PATJ: variants seen among roughly 807,000 people sequenced by gnomAD.
PATJ encodes PATJ crumbs cell polarity complex component, also known as inaD-like protein.
Under a neutral mutation model 224.9 loss-of-function variants are expected in PATJ, and 190 were observed. The ratio of observed to expected loss-of-function variants is 0.84; its 90% CI spans 0.75 to 0.95. The LOEUF (loss-of-function observed/expected upper bound fraction) is 0.95. Among genes scored for constraint, PATJ ranks in the 40% least tolerant of loss-of-function variants. The probability of loss-of-function intolerance (pLI) is 0.00; values close to 1 mark genes in which losing one functional copy is unlikely to be tolerated. For synonymous variants in PATJ, 769 were observed against 820.3 expected (o/e 0.94, Z 1.07); for missense variants, 2,121 against 2,270.3 (o/e 0.93, Z 1.34).
At chr1:62,069,155 T>G (rs991017146) in intron 31 of PATJ, among the ~76,000 whole-genome samples, 19 of 152,162 alleles carry the variant, frequency 1.2e-4, no homozygotes, top group Non-Finnish European at 1.5e-5. Flanking sequence ...ACGGAATCAC[T>G]ATGTCATTGC....
At chr1:61,873,940 G>A (rs1226293559) in intron 20 of PATJ, among the ~76,000 whole-genome samples, 1 of 152,120 alleles carries the variant, frequency 6.6e-6, no homozygotes, top group Admixed American at 6.5e-5. Flanking sequence ...ATCTGCTTGC[G>A]GGACCCCCTC....
Position 61,893,608 on chromosome 1 carries a change from C to A in PATJ, c.3132-5975C>A, listed in dbSNP as rs111412535. Among the ~76,000 whole-genome samples, 1,265 of 150,220 alleles carry A rather than the reference C, an allele frequency of 8.4e-3. 22 individuals carry two copies. Among genetic ancestry groups the A allele is most frequent in the African/African-American group, 0.029 (1,197 of 40,910 alleles). ...TTGAGTCCAGGTGTTTGAAAGCAGT[C>A]TGGGCAACATAATGAGACCCCGTAT... On this transcript the variant is annotated intron_variant, in intron 22 of 43. Transcript: ENST00000642238.
chr1:61,991,658 CT>C, intron 28 of PATJ: 1 of 985,292 alleles, frequency 1.0e-6, no homozygotes, highest in Non-Finnish European at 1.2e-6. Flanking sequence ...TCCAGGATTA[CT>C]TTTCTTTTCT....
intron 27 of PATJ, among the ~76,000 whole-genome samples, chr1:61,975,140 G>A (rs150937494): frequency 2.0e-5 from 3 of 151,836 alleles, no homozygotes; most frequent in African/African-American, 2.4e-5. Flanking sequence ...AAAGATGGGG[G>A]TCTCACTATG....
intron 26 of PATJ, among the ~76,000 whole-genome samples, chr1:61,918,374 A>G (rs1022158225): frequency 1.4e-5 from 2 of 142,980 alleles, no homozygotes; most frequent in Non-Finnish European, 1.5e-5. Context: ...GTGGCATGGC[A>G]TCAGCTCACT....
At chr1:62,091,108 A>G (rs1660676380) in intron 33 of PATJ, among the ~76,000 whole-genome samples, 1 of 152,094 alleles carries the variant, frequency 6.6e-6, no homozygotes, top group African/African-American at 2.4e-5. Context: ...CCTGAGATCC[A>G]TTGCCAGAGA....
In PATJ at chr1:62,061,566, C is replaced by T. The variant is rs1178791836; in HGVS notation, c.4125+10508C>T. Among the ~76,000 whole-genome samples, 4 of 152,102 alleles carry T rather than the reference C, an allele frequency of 2.6e-5. No homozygotes were observed. In the East Asian group the frequency reaches 7.7e-4, roughly 29 times the overall value. ...AACATGCAGTATTTAGTTTTCTGTT[C>T]CTGTGTTAATTTGCAGCTGCATCCA... On this transcript the variant is annotated intron_variant, in intron 31 of 43. Transcript: ENST00000642238.
chr1:62,125,242 AAAAAAAAAAAACAAAAAAAAAC>A (rs1341840452), intron 39 of PATJ, among the ~76,000 whole-genome samples: 2 of 113,452 alleles, frequency 1.8e-5, no homozygotes, highest in Admixed American at 1.0e-4. Context: ...GTCTCAAAAA[AAAAAAAAAAAACAAAAAAAAAC>A]AAAAAAAAAA....
intron 1 of PATJ, among the ~76,000 whole-genome samples, chr1:61,749,719 C>A (rs887651979): frequency 6.6e-6 from 1 of 151,936 alleles, no homozygotes; most frequent in African/African-American, 2.4e-5. Context: ...CTCTGTTGCC[C>A]AGGCTATGGA....
chr1:62,009,877 G>T (rs545050892), intron 28 of PATJ, among the ~76,000 whole-genome samples: 1 of 152,064 alleles, frequency 6.6e-6, no homozygotes, highest in Admixed American at 6.5e-5. Context: ...AAGGTCAGGG[G>T]TTCGAGACCA....
intron 43 of PATJ, among the ~76,000 whole-genome samples, chr1:62,154,385 G>A (rs1015684039): frequency 2.6e-5 from 4 of 151,752 alleles, no homozygotes; most frequent in African/African-American, 4.8e-5. Flanking sequence ...AAAGGTCTTC[G>A]AGGCTGGGCA....
At chr1:62,102,823 G>T (rs1662351662) in intron 33 of PATJ, among the ~76,000 whole-genome samples, 1 of 129,554 alleles carries the variant, frequency 7.7e-6, no homozygotes, top group East Asian at 2.3e-4. Flanking sequence ...TCATGCCACT[G>T]CACTCCAGCC....
intron 17 of PATJ, among the ~76,000 whole-genome samples, chr1:61,841,255 G>C (rs1050342853): frequency 2.0e-5 from 3 of 151,840 alleles, no homozygotes; most frequent in Non-Finnish European, 2.9e-5. Flanking sequence ...TTGGGGGGAG[G>C]GCATTAGGAC....
intron 17 of PATJ, among the ~76,000 whole-genome samples, chr1:61,842,768 A>AAAAAAAAGGAAAAGAG: frequency 6.6e-6 from 1 of 152,010 alleles, no homozygotes; most frequent in South Asian, 2.1e-4. Flanking sequence ...GCTATTAAAA[A>AAAAAAAAGGAAAAGAG]AAAAAAGGAA....
At chr1:61,811,362 G>A (rs1654726498) in intron 14 of PATJ, among the ~76,000 whole-genome samples, 1 of 151,904 alleles carries the variant, frequency 6.6e-6, no homozygotes, top group African/African-American at 2.4e-5. Flanking sequence ...CCAGGTAGCT[G>A]GGATTATAGG....
chr1:61,773,584 C>T (rs1273985151), intron 6 of PATJ, among the ~76,000 whole-genome samples: 2 of 147,782 alleles, frequency 1.4e-5, no homozygotes, highest in African/African-American at 5.0e-5. Flanking sequence ...GTCAGGAGTT[C>T]GAGACCAGCC....
intron 12 of PATJ, among the ~76,000 whole-genome samples, chr1:61,804,692 T>G (rs1478369019): frequency 6.6e-6 from 1 of 152,326 alleles, no homozygotes; most frequent in African/African-American, 2.4e-5. Flanking sequence ...TGTTAGACAT[T>G]ATTCATACTA....
chr1:61,815,392 C>T (rs1655894603), intron 14 of PATJ, among the ~76,000 whole-genome samples: 1 of 152,182 alleles, frequency 6.6e-6, no homozygotes, highest in Non-Finnish European at 1.5e-5. Context: ...ACAGGTAACA[C>T]CAGTGGGAGG....
In PATJ at chr1:62,153,357, G is replaced by A; in HGVS notation, c.5379-1G>A. The stretch of plus-strand genomic sequence containing the variant: ...TTAAACAGCATGCATTGTGTTTTCA[G>A]AACACCTCCACCTAAGATTATTACT... On this transcript the variant is annotated splice_acceptor_variant, in intron 42 of 43. Transcript: ENST00000642238. LOFTEE classifies it high-confidence loss of function. The A allele has an allele frequency of 1.6e-6, 2 of 1,231,388 alleles. No homozygotes were observed. The highest frequency in any genetic ancestry group is 2.0e-6 in the Non-Finnish European group (2 of 987,316). The allele number at this position is 1,231,388 out of a possible 1,614,324, so 76.3% of individuals were successfully genotyped here.
Sources: gnomAD v4.1 joint callset for allele counts (sites outside exome capture counted in the v4.1 genomes callset) on GRCh38, gnomAD v4.1.1 for gene constraint, MANE v1.5 for transcripts, NCBI Gene and HGNC (gene_info 2026-07-23, HGNC 2026-07-21) for gene names.